SPTBN1: variants seen among roughly 807,000 people sequenced by gnomAD.
SPTBN1 encodes spectrin beta, non-erythrocytic 1.
SPTBN1 carries 32 observed loss-of-function variants against 266.4 expected under a neutral mutation model. That is an observed-to-expected ratio of 0.12 (90% CI 0.09 to 0.16). The LOEUF (loss-of-function observed/expected upper bound fraction) is 0.16. Among genes scored for constraint, SPTBN1 ranks in the 10% least tolerant of loss-of-function variants. The probability of loss-of-function intolerance (pLI) is 1.00; values close to 1 mark genes in which losing one functional copy is unlikely to be tolerated. For synonymous variants in SPTBN1, 1,336 were observed against 1,162.2 expected, an observed-to-expected ratio of 1.15 and a Z score of -3.04; for missense variants, 2,296 against 3,067.1, an observed-to-expected ratio of 0.75 and a Z score of 5.94.
At chr2:54,598,350 C>G (rs1036421433) in intron 2 of SPTBN1, among the ~76,000 whole-genome samples, 2 of 152,146 alleles carry the variant, frequency 1.3e-5, no homozygotes, top group Admixed American at 1.3e-4. Context: ...AACATTGAAT[C>G]CTGTGTTGAG....
intron 18 of SPTBN1, 130 bp downstream of exon 18, chr2:54,637,933 A>T (rs1679260595): frequency 7.0e-6 from 5 of 711,490 alleles, no homozygotes; most frequent in Non-Finnish European, 1.2e-5. Context: ...TTTGACTCGC[A>T]GGCAGGGATA....
rs116268530 is a variant in SPTBN1 at position 54,551,475 on chromosome 2, C to T, written c.148+24909C>T. ...GCTTTGCATGTGTAGATAACAGACA[C>T]GGTAAGAATGCAGGGATAAGGTTTG... On this transcript the variant is annotated intron_variant, in intron 2 of 35. Transcript: ENST00000356805. Among the ~76,000 whole-genome samples the T allele has an allele frequency of 7.0e-3, 1,069 of 152,176 alleles. 10 individuals are homozygous for T. Among genetic ancestry groups the T allele is most frequent in the African/African-American group, 0.024 (979 of 41,506 alleles).
At chr2:54,611,852 T>A (rs1677238150) in intron 3 of SPTBN1, among the ~76,000 whole-genome samples, 1 of 152,212 alleles carries the variant, frequency 6.6e-6, no homozygotes, top group South Asian at 2.1e-4. Flanking sequence ...ATGGCAGCAG[T>A]AGCGCTGAAA....
intron 1 of SPTBN1, among the ~76,000 whole-genome samples, chr2:54,521,333 G>A (rs1159919417): frequency 1.3e-5 from 2 of 152,310 alleles, no homozygotes; most frequent in East Asian, 1.9e-4. Context: ...TGGTGGGAGC[G>A]AGGGATGTTT....
chr2:54,606,795 C>T (rs1676873337), intron 3 of SPTBN1, among the ~76,000 whole-genome samples: 1 of 152,218 alleles, frequency 6.6e-6, no homozygotes, highest in Non-Finnish European at 1.5e-5. Context: ...GCATCCCTTT[C>T]TCGGATAGGA....
chr2:54,509,952 C>G (rs973830233), intron 1 of SPTBN1, among the ~76,000 whole-genome samples: 4 of 89,290 alleles, frequency 4.5e-5, no homozygotes, highest in Non-Finnish European at 8.4e-5. Flanking sequence ...TCCTTGCTTT[C>G]TTTCTTTTTT....
chr2:54,566,422 A>G (rs1186254962), intron 2 of SPTBN1, among the ~76,000 whole-genome samples: 1 of 151,994 alleles, frequency 6.6e-6, no homozygotes, highest in Non-Finnish European at 1.5e-5. Flanking sequence ...TCCTGACCTC[A>G]GGTGATCCAC....
intron 10 of SPTBN1, among the ~76,000 whole-genome samples, chr2:54,624,380 A>G (rs1022671144): frequency 3.3e-5 from 5 of 152,232 alleles, no homozygotes; most frequent in African/African-American, 1.2e-4. Flanking sequence ...ATTTTGAAAG[A>G]AATTTCAGAT....
chr2:54,634,733 C>T (rs145863800), intron 17 of SPTBN1, among the ~76,000 whole-genome samples: 15 of 152,316 alleles, frequency 9.8e-5, no homozygotes, highest in African/African-American at 3.4e-4. Context: ...TGAAGCGATT[C>T]TCCTAGAATG....
chr2:54,644,301 C>A (rs368098923), intron 19 of SPTBN1, 22 bp from the exon 20 acceptor site: 43 of 1,596,704 alleles, frequency 2.7e-5, no homozygotes, highest in Non-Finnish European at 3.6e-5. Flanking sequence ...TTATTTACAA[C>A]CATGTTGGTT....
intron 1 of SPTBN1, among the ~76,000 whole-genome samples, chr2:54,510,442 A>G (rs1177011167): frequency 1.3e-5 from 2 of 152,228 alleles, no homozygotes; most frequent in African/African-American, 2.4e-5. Context: ...CTAAAAATCC[A>G]GCTACTGCTG....
At chr2:54,624,988 G>T in intron 11 of SPTBN1, 26 bp downstream of exon 11, 2 of 1,555,988 alleles carry the variant, frequency 1.3e-6, no homozygotes, top group South Asian at 1.2e-5. Flanking sequence ...TTATTAAAAA[G>T]ACTGTTGCTA....
intron 2 of SPTBN1, chr2:54,529,673 A>C (rs1334517605): frequency 1.4e-6 from 1 of 720,746 alleles, no homozygotes; most frequent in African/African-American, 1.7e-5. Context: ...GCACCAGATC[A>C]AACAGGCTGT....
At chr2:54,560,300 C>T (rs939589458) in intron 2 of SPTBN1, among the ~76,000 whole-genome samples, 5 of 152,042 alleles carry the variant, frequency 3.3e-5, no homozygotes, top group African/African-American at 1.2e-4. Context: ...TTCATTGTGT[C>T]ATCCCGCCTG....
At chr2:54,569,178 C>T (rs181715030) in intron 2 of SPTBN1, among the ~76,000 whole-genome samples, 3 of 152,092 alleles carry the variant, frequency 2.0e-5, no homozygotes, top group Admixed American at 1.3e-4. Flanking sequence ...AAGAAAGGAA[C>T]GGGGTGGGGG....
chr2:54,479,823 T>G (rs1276068414), intron 1 of SPTBN1, among the ~76,000 whole-genome samples: 1 of 152,144 alleles, frequency 6.6e-6, no homozygotes, highest in African/African-American at 2.4e-5. Flanking sequence ...TTCAGTTCGC[T>G]TTCTATTATC....
chr2:54,574,712 C>G (rs1674339152), intron 2 of SPTBN1, among the ~76,000 whole-genome samples: 1 of 152,186 alleles, frequency 6.6e-6, no homozygotes, highest in South Asian at 2.1e-4. Context: ...TCAGTGCAGT[C>G]TGGTTTGGAA....
chr2:54,517,858 CT>C (rs1670202896), intron 1 of SPTBN1, among the ~76,000 whole-genome samples: 1 of 151,680 alleles, frequency 6.6e-6, no homozygotes, highest in Non-Finnish European at 1.5e-5. Context: ...GTTAGCCAGG[CT>C]GGTCTCGAGC....
At chr2:54,476,815 T>G (rs977519399) in intron 1 of SPTBN1, among the ~76,000 whole-genome samples, 2 of 152,248 alleles carry the variant, frequency 1.3e-5, no homozygotes, top group African/African-American at 4.8e-5. Context: ...CTATTGCAAA[T>G]CAAATTGCAG....
Sources: gnomAD v4.1 joint callset for allele counts (sites outside exome capture counted in the v4.1 genomes callset) on GRCh38, gnomAD v4.1.1 for gene constraint, MANE v1.5 for transcripts, NCBI Gene and HGNC (gene_info 2026-07-23, HGNC 2026-07-21) for gene names.